The following USH2A variants were observed in gnomAD, a reference collection of about 807,000 sequenced individuals.
USH2A encodes Usher syndrome 2A (autosomal recessive, mild).
Under a neutral mutation model 538.9 loss-of-function variants are expected in USH2A, and 443 were observed. That is an observed-to-expected ratio of 0.82 (90% CI 0.76 to 0.89). The LOEUF is 0.89. USH2A is among the 40% of genes least tolerant of loss of function. The pLI, the probability that USH2A is intolerant of heterozygous loss-of-function variation, is 0.00. For synonymous variants in USH2A, 2,413 were observed against 2,273.5 expected, an observed-to-expected ratio of 1.06 and a Z score of -1.75; for missense variants, 6,633 against 6,324.8, an observed-to-expected ratio of 1.05 and a Z score of -1.65.
In USH2A at chr1:215,903,403, A is replaced by G. The variant is rs76306922; in HGVS notation, c.7301-2498T>C. Among the ~76,000 whole-genome samples the G allele has an allele frequency of 4.6e-3, 696 of 152,212 alleles. 7 individuals are homozygous for G. Among genetic ancestry groups the G allele is most frequent in the African/African-American group, 0.016 (676 of 41,544 alleles). On this transcript the variant is annotated intron_variant, in intron 38 of 71. Coordinates refer to ENST00000307340, the MANE Select transcript of USH2A (RefSeq NM_206933.4). ...GATTAGAAAATGGGGCAGCAGCTAG[A>G]AAAGCTCATGATATCAAAGGAAGGT...
chr1:216,286,044 A>G lies in USH2A; in HGVS notation c.1971+3236T>C, dbSNP rs747390342. ...GACTTTGGACTTGAACTTTTGAGTT[A>G]ATGCTGGAATGAGTTAACACTGTGG... is the stretch of plus-strand genomic sequence containing the variant. On this transcript the variant is annotated intron_variant, in intron 11 of 71. Coordinates refer to ENST00000307340, the MANE Select transcript of USH2A (RefSeq NM_206933.4). 9.9e-5 allele frequency among the ~76,000 whole-genome samples: 15 copies of G among 152,126 alleles called. 1 individual carries two copies. Among genetic ancestry groups the G allele is most frequent in the South Asian group, 2.1e-4 (1 of 4,824 alleles).
intron 3 of USH2A, among the ~76,000 whole-genome samples, chr1:216,411,447 C>T (rs988647915): frequency 3.9e-5 from 6 of 151,980 alleles, no homozygotes; most frequent in Non-Finnish European, 2.9e-5. Flanking sequence ...TGAGTCCTAC[C>T]GAATTAGGAA....
chr1:215,942,754 G>T (rs544394599), intron 37 of USH2A, among the ~76,000 whole-genome samples: 1 of 152,252 alleles, frequency 6.6e-6, no homozygotes, highest in East Asian at 1.9e-4. Context: ...TCCTAACTTT[G>T]TTCCCAGAGG....
Position 215,888,646 on chromosome 1 carries a change from T to G in USH2A, c.8003A>C (p.Glu2668Ala). ...CGGGAGAGTCACCAGGGTAGTAACT[T>G]CTTCCTTTCCTTTGACTCTTCTCTC... Reference protein sequence around the residue: ...TIERRVKGKEEVTTLVTLPRS... With the variant: ...TIERRVKGKEAVTTLVTLPRS... Residue 2668 changes from glutamate (E) to alanine (A), a missense_variant, in exon 41 of 72, where the codon GAA becomes GCA. Transcript: ENST00000307340. The G allele has an allele frequency of 6.2e-7, 1 of 1,614,190 alleles. No individual in the cohort carries two copies. The highest frequency in any genetic ancestry group is 8.5e-7 in the Non-Finnish European group (1 of 1,180,024).
At chr1:215,798,809 G>T in intron 50 of USH2A, 98 bp downstream of exon 50, 1 of 1,366,956 alleles carries the variant, frequency 7.3e-7, no homozygotes, top group Non-Finnish European at 1.0e-6. Flanking sequence ...ACCAATGTGA[G>T]CTTTAATTAC....
intron 9 of USH2A, among the ~76,000 whole-genome samples, chr1:216,296,082 A>C (rs2037098595): frequency 6.6e-6 from 1 of 152,030 alleles, no homozygotes; most frequent in African/African-American, 2.4e-5. Flanking sequence ...GTATTCCAAA[A>C]TTTTAGCATG....
chr1:215,817,047 G>T lies in USH2A; in HGVS notation c.9520C>A (p.Gln3174Lys). The T allele has an allele frequency of 6.2e-7, 1 of 1,612,698 alleles. No individual in the cohort carries two copies. Among genetic ancestry groups the T allele is most frequent in the Non-Finnish European group, 8.5e-7 (1 of 1,178,998 alleles). The change falls in exon 48 of 72, where the codon CAA (glutamine) becomes AAA (lysine). Residue 3174 changes from glutamine to lysine, a missense_variant. Coordinates refer to ENST00000307340, the MANE Select transcript of USH2A (RefSeq NM_206933.4). The part of the protein sequence containing the change: ...SDELCKAVRC[Q>K]KPESICGHIC... Reference sequence around the variant, plus strand: ...TGTCCACAGATAGATTCAGGTTTTTGACACCTCACTGCCTTGCAGAGCTCA... The same window carrying T: ...TGTCCACAGATAGATTCAGGTTTTTTACACCTCACTGCCTTGCAGAGCTCA...
At chr1:215,660,732 A>C (rs1014557402) in intron 64 of USH2A, among the ~76,000 whole-genome samples, 8 of 152,246 alleles carry the variant, frequency 5.3e-5, no homozygotes, top group Non-Finnish European at 1.5e-5. Context: ...TTTAGAGAAA[A>C]GAATTTTATT....
intron 32 of USH2A, among the ~76,000 whole-genome samples, chr1:216,004,728 T>A (rs1025763904): frequency 6.6e-6 from 1 of 152,194 alleles, no homozygotes; most frequent in East Asian, 1.9e-4. Flanking sequence ...TTGTTGTATG[T>A]GATGGGATGA....
chr1:215,649,548 C>G (rs1656979083), intron 65 of USH2A, among the ~76,000 whole-genome samples: 1 of 152,176 alleles, frequency 6.6e-6, no homozygotes, highest in Non-Finnish European at 1.5e-5. Context: ...CATGGATAAT[C>G]AAGGGTTGAT....
intron 52 of USH2A, among the ~76,000 whole-genome samples, chr1:215,783,308 A>G (rs1363879078): frequency 6.6e-6 from 1 of 152,210 alleles, no homozygotes; most frequent in African/African-American, 2.4e-5. Flanking sequence ...TAGTTTTAGT[A>G]TCATAGAACT....
chr1:215,657,348 G>A (rs774349721), intron 64 of USH2A, among the ~76,000 whole-genome samples: 5 of 152,184 alleles, frequency 3.3e-5, no homozygotes, highest in Non-Finnish European at 5.9e-5. Flanking sequence ...TTCTTTGCTG[G>A]AATCGCGGTT....
chr1:215,867,229 A>G, intron 43 of USH2A, 59 bp from the exon 44 acceptor site: 1 of 1,560,612 alleles, frequency 6.4e-7, no homozygotes, highest in Admixed American at 1.8e-5. Flanking sequence ...AAAATCTAAC[A>G]AATAATTTCT....
At chr1:216,125,212 C>G (rs1181979368) in intron 21 of USH2A, among the ~76,000 whole-genome samples, 1 of 148,974 alleles carries the variant, frequency 6.7e-6, no homozygotes. Context: ...CTTTTGTTAT[C>G]ATTGAATCAG....
At position 216,089,574 on chromosome 1, in the gene USH2A, C is replaced by T. The variant is rs150643701; in HGVS notation, c.4759-435G>A. ...AGATAGAGAGATGTCAGACAAGTCA[C>T]TCTTATCTTCACAAAATTATCAATA... On this transcript the variant is annotated intron_variant, in intron 22 of 71. Coordinates refer to ENST00000307340, the MANE Select transcript of USH2A (RefSeq NM_206933.4). 1.7e-3 allele frequency among the ~76,000 whole-genome samples: 252 copies of T among 152,176 alleles called. 2 individuals carry two copies. Among genetic ancestry groups the T allele is most frequent in the African/African-American group, 5.9e-3 (247 of 41,556 alleles).
At chr1:216,098,297 T>C (rs1447343868) in intron 21 of USH2A, among the ~76,000 whole-genome samples, 2 of 152,106 alleles carry the variant, frequency 1.3e-5, no homozygotes, top group Non-Finnish European at 2.9e-5. Context: ...TTGAAAATAT[T>C]AAATGTATAT....
At position 216,083,513 on chromosome 1, in the gene USH2A, G is replaced by C; in HGVS notation, c.5241C>G (p.Asp1747Glu). ...CGAAAAGAAGCAATCCATTTAATTG[G>C]TCAGTTCTGAACTTAAAGGAAATCT... The part of the protein sequence containing the change: ...NFEISFKFRT[D>E]QLNGLLLFVY... The change falls in exon 26 of 72, where the codon GAC (aspartate) becomes GAG (glutamate). Residue 1747 changes from aspartate to glutamate, a missense_variant. Transcript: ENST00000307340. 6.2e-7 allele frequency: 1 copy of C among 1,612,360 alleles called. No individual in the cohort carries two copies. Among genetic ancestry groups the C allele is most frequent in the Non-Finnish European group, 8.5e-7 (1 of 1,179,064 alleles).
intron 19 of USH2A, among the ~76,000 whole-genome samples, chr1:216,195,211 A>G (rs1013490461): frequency 6.6e-6 from 1 of 152,094 alleles, no homozygotes; most frequent in Non-Finnish European, 1.5e-5. Context: ...ATTCATCATA[A>G]AATGGAAGTG....
intron 48 of USH2A, 51 bp downstream of exon 48, chr1:215,816,946 G>C (rs1480681450): frequency 6.4e-7 from 1 of 1,567,354 alleles, no homozygotes; most frequent in Non-Finnish European, 8.8e-7. Context: ...ATTTCACTTG[G>C]AGTCTTGAGT....
Sources: allele counts gnomAD v4.1 joint callset (sites outside exome capture counted in the v4.1 genomes callset), GRCh38; gene constraint gnomAD v4.1.1; transcripts MANE v1.5; gene names NCBI Gene and HGNC (gene_info 2026-07-23, HGNC 2026-07-21).